OR51B5: variants seen among roughly 807,000 people sequenced by gnomAD.
OR51B5 encodes the protein olfactory receptor 51B5.
For missense variants in OR51B5, 456 were observed against 374.6 expected, an observed-to-expected ratio of 1.22 and a Z score of -1.79; for synonymous variants, 186 against 144.8, an observed-to-expected ratio of 1.28 and a Z score of -2.04.
At chr11:5,438,362 C>CT (rs1491275319) in intron 1 of OR51B5, among the ~76,000 whole-genome samples, 5 of 125,694 alleles carry the variant, frequency 4.0e-5, no homozygotes, top group African/African-American at 1.4e-4. Context: ...AACACCCCCC[C>CT]CCAGTTATCC....
intron 1 of OR51B5, among the ~76,000 whole-genome samples, chr11:5,491,330 T>C (rs1282665267): frequency 6.6e-6 from 1 of 152,218 alleles, no homozygotes; most frequent in African/African-American, 2.4e-5. Context: ...CACAAGTTCA[T>C]GGGTAAGACA....
At chr11:5,357,243 C>T (rs949118514) in intron 1 of OR51B5, among the ~76,000 whole-genome samples, 8 of 151,768 alleles carry the variant, frequency 5.3e-5, no homozygotes, top group African/African-American at 1.9e-4. Context: ...CTCATGTGCA[C>T]ACACACACAT....
intron 1 of OR51B5, among the ~76,000 whole-genome samples, chr11:5,420,277 TGCC>T (rs574849190): frequency 9.9e-4 from 151 of 152,082 alleles, no homozygotes; most frequent in Non-Finnish European, 1.7e-3. Context: ...GTTTCTACAC[TGCC>T]ATTTCCTTAT....
At chr11:5,484,885 T>C (rs1053087165) in intron 1 of OR51B5, among the ~76,000 whole-genome samples, 5 of 152,206 alleles carry the variant, frequency 3.3e-5, no homozygotes, top group Admixed American at 6.5e-5. Flanking sequence ...TAAACCTGCC[T>C]TTTAAAAAAG....
intron 1 of OR51B5, among the ~76,000 whole-genome samples, chr11:5,399,312 A>C (rs1415394590): frequency 6.6e-6 from 1 of 152,182 alleles, no homozygotes; most frequent in Non-Finnish European, 1.5e-5. Context: ...AAAAAGTTGG[A>C]AATAAGCTGA....
intron 1 of OR51B5, among the ~76,000 whole-genome samples, chr11:5,405,272 C>T (rs1013422074): frequency 1.3e-5 from 2 of 152,206 alleles, no homozygotes; most frequent in South Asian, 2.1e-4. Context: ...CTGATGTTTA[C>T]ATACAGTAAA....
At chr11:5,399,737 ACT>A (rs1193813807) in intron 1 of OR51B5, among the ~76,000 whole-genome samples, 1 of 150,146 alleles carries the variant, frequency 6.7e-6, no homozygotes, top group Admixed American at 6.7e-5. Context: ...GGCGGTAGAG[ACT>A]CTGGAGATGG....
At chr11:5,434,746 C>T (rs773246326) in intron 1 of OR51B5, among the ~76,000 whole-genome samples, 11 of 152,164 alleles carry the variant, frequency 7.2e-5, no homozygotes, top group Non-Finnish European at 1.6e-4. Context: ...GGGGCAATTT[C>T]TTCACTCCTA....
intron 1 of OR51B5, among the ~76,000 whole-genome samples, chr11:5,481,681 G>A (rs1255612184): frequency 8.1e-6 from 1 of 123,212 alleles, no homozygotes; most frequent in African/African-American, 3.5e-5. Context: ...CAAAATCAAT[G>A]TACAAAAATC....
chr11:5,448,530 T>G (rs1438213346), intron 1 of OR51B5, among the ~76,000 whole-genome samples: 1 of 152,168 alleles, frequency 6.6e-6, no homozygotes, highest in East Asian at 1.9e-4. Flanking sequence ...GCAATCTAGG[T>G]TGTGGAAGGA....
intron 1 of OR51B5, among the ~76,000 whole-genome samples, chr11:5,382,062 T>A (rs1385647565): frequency 1.4e-4 from 22 of 152,222 alleles, no homozygotes; most frequent in Non-Finnish European, 2.6e-4. Context: ...CTGGAAAATA[T>A]GATTGTTATC....
At chr11:5,417,249 T>G (rs1850257630) in intron 1 of OR51B5, among the ~76,000 whole-genome samples, 5 of 148,718 alleles carry the variant, frequency 3.4e-5, no homozygotes. Flanking sequence ...ACTGGATCCC[T>G]TCCTTACACC....
exon 1 of OR51B5, chr11:5,343,262 C>T (rs1305545871): frequency 6.2e-7 from 1 of 1,613,350 alleles, no homozygotes; most frequent in Admixed American, 1.7e-5. Flanking sequence ...TCCAATCTCC[C>T]TGTGATCCAG....
chr11:5,454,303 T>A (rs200377378), intron 1 of OR51B5: 3 of 1,614,086 alleles, frequency 1.9e-6, no homozygotes, highest in Non-Finnish European at 2.5e-6. Flanking sequence ...CCATGCTACA[T>A]ACATGTCCTC....
intron 1 of OR51B5, among the ~76,000 whole-genome samples, chr11:5,356,001 G>A (rs977468274): frequency 2.8e-5 from 4 of 145,346 alleles, no homozygotes; most frequent in Non-Finnish European, 6.1e-5. Context: ...AAAGACCAAA[G>A]GTAGATAAAA....
At chr11:5,488,797 G>C (rs372182459) in intron 1 of OR51B5, 2 of 1,613,978 alleles carry the variant, frequency 1.2e-6, no homozygotes, top group Non-Finnish European at 1.7e-6. Flanking sequence ...CTTCTGGATT[G>C]CCATCCCTTT....
chr11:5,483,554 T>TA (rs199621709), intron 1 of OR51B5, among the ~76,000 whole-genome samples: 45,830 of 132,046 alleles, frequency 0.35, 8,033 homozygotes, highest in East Asian at 0.55. Flanking sequence ...AAAGTACAGC[T>TA]AAAAAAAAAA....
intron 1 of OR51B5, among the ~76,000 whole-genome samples, chr11:5,415,460 C>A (rs568524189): frequency 2.6e-5 from 4 of 151,450 alleles, no homozygotes; most frequent in East Asian, 1.9e-4. Flanking sequence ...ACACAAAAAA[C>A]CCTTCAAAAA....
intron 1 of OR51B5, chr11:5,354,619 C>T (rs1378576043): frequency 6.3e-6 from 1 of 158,386 alleles, no homozygotes; most frequent in African/African-American, 2.4e-5. Context: ...TGATCCTCCC[C>T]ACTTCCTCCC....
Sources: gnomAD v4.1 joint callset for allele counts (sites outside exome capture counted in the v4.1 genomes callset) on GRCh38, gnomAD v4.1.1 for gene constraint, MANE v1.5 for transcripts, NCBI Gene and HGNC (gene_info 2026-07-23, HGNC 2026-07-21) for gene names.